The following TMOD2 variants were observed in gnomAD, a reference collection of about 807,000 sequenced individuals.
TMOD2 encodes the protein tropomodulin-2.
TMOD2 carries 22 observed loss-of-function variants against 39.9 expected under a neutral mutation model. The ratio of observed to expected loss-of-function variants is 0.55; its 90% CI spans 0.39 to 0.79. TMOD2 has a LOEUF of 0.79. Ranked by LOEUF, TMOD2 falls within the 30% of genes least tolerant of loss-of-function variation. The probability of loss-of-function intolerance (pLI) is 0.00; values close to 1 mark genes in which losing one functional copy is unlikely to be tolerated. For missense variants in TMOD2, 386 were observed against 413.3 expected, an observed-to-expected ratio of 0.93 and a Z score of 0.57; for synonymous variants, 123 against 146.1, an observed-to-expected ratio of 0.84 and a Z score of 1.14.
intron 3 of TMOD2, among the ~76,000 whole-genome samples, chr15:51,770,559 G>GCTA (rs566296926): frequency 1.6e-4 from 24 of 152,286 alleles, no homozygotes; most frequent in African/African-American, 5.3e-4. Flanking sequence ...GAGGCAGAGT[G>GCTA]CTACTGCCTT....
Position 51,806,440 on chromosome 15 carries a change from A to T in TMOD2, c.940A>T (p.Ile314Phe). The stretch of plus-strand genomic sequence containing the variant: ...CCAGATGCTGGAGGAGAATTCAAGG[A>T]TCCTCAAGTTTGGATACCAGTTTAC... ...IAQMLEENSR[I>F]LKFGYQFTKQ... The change falls in exon 9 of 10, where the codon ATC becomes TTC. Residue 314 changes from isoleucine (I) to phenylalanine (F), a missense_variant. Transcript: ENST00000249700. The T allele has an allele frequency of 6.2e-7, 1 of 1,614,228 alleles. No homozygotes were observed. Among genetic ancestry groups the T allele is most frequent in the South Asian group, 1.1e-5 (1 of 91,084 alleles).
At chr15:51,807,213 A>G (rs1220852131) in intron 9 of TMOD2, among the ~76,000 whole-genome samples, 1 of 152,220 alleles carries the variant, frequency 6.6e-6, no homozygotes, top group South Asian at 2.1e-4. Flanking sequence ...AGTCAATAGC[A>G]GGCTTCAATC....
chr15:51,768,209 A>G (rs2055828883), intron 2 of TMOD2, 53 bp from the exon 3 acceptor site: 2 of 1,607,534 alleles, frequency 1.2e-6, no homozygotes, highest in East Asian at 4.5e-5. Context: ...AGGAAGTAGC[A>G]AAGTACAGGC....
At chr15:51,768,128 C>A in intron 2 of TMOD2, 134 bp from the exon 3 acceptor site, 1 of 1,027,650 alleles carries the variant, frequency 9.7e-7, no homozygotes, top group Non-Finnish European at 1.4e-6. Context: ...GCCCCCAGCC[C>A]TCAGCTCACA....
intron 1 of TMOD2, among the ~76,000 whole-genome samples, chr15:51,763,120 G>T (rs919643288): frequency 7.3e-5 from 11 of 151,568 alleles, no homozygotes; most frequent in African/African-American, 2.7e-4. Flanking sequence ...AAAAAAAATT[G>T]TAGAAACGGG....
intron 1 of TMOD2, among the ~76,000 whole-genome samples, chr15:51,760,758 G>T (rs2141613433): frequency 6.6e-6 from 1 of 152,152 alleles, no homozygotes; most frequent in East Asian, 1.9e-4. Flanking sequence ...GTGAGCCGAG[G>T]TCGTGCCATT....
chr15:51,791,678 A>G (rs574969431), intron 7 of TMOD2, among the ~76,000 whole-genome samples: 1 of 152,368 alleles, frequency 6.6e-6, no homozygotes, highest in South Asian at 2.1e-4. Flanking sequence ...ATGGAACAGA[A>G]CGGATGCCTC....
chr15:51,785,785 A>T (rs1334321485), intron 7 of TMOD2, among the ~76,000 whole-genome samples: 1 of 152,194 alleles, frequency 6.6e-6, no homozygotes, highest in Non-Finnish European at 1.5e-5. Context: ...AAATAGCTAG[A>T]AGAGAAGAAT....
chr15:51,791,665 C>A lies in TMOD2; in HGVS notation c.733-6532C>A, dbSNP rs138740675. Among the ~76,000 whole-genome samples the A allele has an allele frequency of 9.3e-3, 1,413 of 152,244 alleles. 15 individuals carry two copies. Among genetic ancestry groups the A allele is most frequent in the African/African-American group, 0.019 (778 of 41,562 alleles). ...ACTGGTACCAAAACAGATACATAGA[C>A]CAATGGAACAGAACGGATGCCTCAG... On this transcript the variant is annotated intron_variant, in intron 7 of 9. Coordinates refer to ENST00000249700, the MANE Select transcript of TMOD2 (RefSeq NM_014548.4).
chr15:51,754,101 C>G (rs984133916), intron 1 of TMOD2, among the ~76,000 whole-genome samples: 1 of 152,060 alleles, frequency 6.6e-6, no homozygotes, highest in Non-Finnish European at 1.5e-5. Flanking sequence ...CTTGGCTACT[C>G]TCAATCATTT....
At chr15:51,773,629 A>G (rs2055868031) in intron 3 of TMOD2, 83 bp from the exon 4 acceptor site, 2 of 1,413,026 alleles carry the variant, frequency 1.4e-6, no homozygotes, top group Non-Finnish European at 1.9e-6. Flanking sequence ...CTCAATGGCC[A>G]GAACTGCATT....
In TMOD2 at chr15:51,816,008, T is replaced by G. The variant is rs923787066; in HGVS notation, c.*7554T>G. 2.6e-5 allele frequency: 4 copies of G among 152,246 alleles called. No individual in the cohort carries two copies. The highest frequency in any genetic ancestry group is 4.4e-5 in the Non-Finnish European group (3 of 68,022). The allele number at this position is 152,246 out of a possible 1,614,324, so 9.4% of individuals were successfully genotyped here. On this transcript the variant is annotated 3_prime_UTR_variant, in exon 10 of 10. Transcript: ENST00000249700. ...TTTTATTTTCCATTTGAAACTTCAA[T>G]CAAATCAAGACTATTATATTCATTA...
chr15:51,759,998 G>A (rs2055769740), intron 1 of TMOD2, among the ~76,000 whole-genome samples: 2 of 152,146 alleles, frequency 1.3e-5, no homozygotes, highest in Non-Finnish European at 1.5e-5. Context: ...TGCCCCCTGT[G>A]GGCCAAACAG....
chr15:51,795,582 C>A (rs2056044756), intron 7 of TMOD2, among the ~76,000 whole-genome samples: 1 of 15,750 alleles, frequency 6.3e-5, no homozygotes, highest in African/African-American at 2.2e-4. Context: ...TGCTTGCTTT[C>A]TTTCTTTCTT....
chr15:51,788,562 A>G (rs1391334356), intron 7 of TMOD2, among the ~76,000 whole-genome samples: 1 of 152,206 alleles, frequency 6.6e-6, no homozygotes, highest in East Asian at 1.9e-4. Context: ...ACCCCAAGAC[A>G]CATAATTGTC....
intron 5 of TMOD2, among the ~76,000 whole-genome samples, chr15:51,778,089 A>G (rs1352203186): frequency 6.6e-6 from 1 of 151,760 alleles, no homozygotes; most frequent in Non-Finnish European, 1.5e-5. Flanking sequence ...AACCAAGCCA[A>G]ATGTCCAACA....
At position 51,810,209 on chromosome 15, in the gene TMOD2, C is replaced by G. The variant is rs1356803307; in HGVS notation, c.*1755C>G. The G allele has an allele frequency of 6.6e-6, 1 of 152,110 alleles. No individual in the cohort carries two copies. Among genetic ancestry groups the G allele is most frequent in the Non-Finnish European group, 1.5e-5 (1 of 68,030 alleles). 9.4% of individuals were successfully genotyped at this position (152,110 alleles called of 1,614,324 possible). ...ATGTGTTGGAGTCAACTTGTACAGGCTTGCCAACTGTTATATTTTCAAGAA... is the reference window on the plus strand; with the variant it reads ...ATGTGTTGGAGTCAACTTGTACAGGGTTGCCAACTGTTATATTTTCAAGAA... On this transcript the variant is annotated 3_prime_UTR_variant, in exon 10 of 10. Coordinates refer to ENST00000249700, the MANE Select transcript of TMOD2 (RefSeq NM_014548.4).
intron 7 of TMOD2, among the ~76,000 whole-genome samples, chr15:51,786,197 C>T (rs2622766): frequency 4.6e-5 from 7 of 152,044 alleles, no homozygotes; most frequent in Non-Finnish European, 5.9e-5. Flanking sequence ...CCTCACTCCC[C>T]GAATCCCCCC....
intron 8 of TMOD2, among the ~76,000 whole-genome samples, chr15:51,801,316 A>G (rs138953782): frequency 0.02 from 2,709 of 133,640 alleles, 38 homozygotes; most frequent in Non-Finnish European, 0.03. Context: ...CTCTCTCTCT[A>G]AGAAAAGATT....
Sources: gnomAD v4.1 joint callset for allele counts (sites outside exome capture counted in the v4.1 genomes callset) on GRCh38, gnomAD v4.1.1 for gene constraint, MANE v1.5 for transcripts, NCBI Gene and HGNC (gene_info 2026-07-23, HGNC 2026-07-21) for gene names.